PLEKHH2: variants seen among roughly 807,000 people sequenced by gnomAD.
The protein encoded by PLEKHH2 is pleckstrin homology domain-containing family H member 2.
A neutral mutation model predicts 187.9 loss-of-function variants in PLEKHH2; 129 were observed. That is an observed-to-expected ratio of 0.69 (90% CI 0.59 to 0.79). PLEKHH2 has a LOEUF of 0.79. Among genes scored for constraint, PLEKHH2 ranks in the 30% least tolerant of loss-of-function variants. The pLI is 0.00. For missense variants in PLEKHH2, 2,076 were observed against 1,751.2 expected, an observed-to-expected ratio of 1.19 and a Z score of -3.31; for synonymous variants, 686 against 605.6, an observed-to-expected ratio of 1.13 and a Z score of -1.95.
chr2:43,767,206 A>G lies in PLEKHH2; in HGVS notation c.*1608A>G, dbSNP rs1409478899. ...ATCACTTTGTCATTTTTTTTAACCA[A>G]TTTGAGAAATGTTAGCTGCTGAATT... On this transcript the variant is annotated 3_prime_UTR_variant, in exon 30 of 30. Coordinates refer to ENST00000282406, the MANE Select transcript of PLEKHH2 (RefSeq NM_172069.4). The G allele has an allele frequency of 1.3e-5, 2 of 152,192 alleles. No homozygotes were observed. The highest frequency in any genetic ancestry group is 2.9e-5 in the Non-Finnish European group (2 of 67,984). The allele number at this position is 152,192 out of a possible 1,614,324, so 9.4% of individuals were successfully genotyped here.
intron 16 of PLEKHH2, among the ~76,000 whole-genome samples, chr2:43,725,110 A>T (rs1255451339): frequency 6.6e-6 from 1 of 152,116 alleles, no homozygotes; most frequent in Non-Finnish European, 1.5e-5. Context: ...TAAGGAGGGG[A>T]TATCTTATCC....
At chr2:43,752,569 G>A (rs912752222) in intron 24 of PLEKHH2, among the ~76,000 whole-genome samples, 4 of 152,134 alleles carry the variant, frequency 2.6e-5, no homozygotes, top group Non-Finnish European at 5.9e-5. Context: ...AGAAAAGGCT[G>A]AAAATGCAAA....
chr2:43,660,032 C>G (rs530457015), intron 2 of PLEKHH2, among the ~76,000 whole-genome samples: 1 of 152,268 alleles, frequency 6.6e-6, no homozygotes, highest in East Asian at 1.9e-4. Context: ...CCTCCTGCGC[C>G]TTTATAGTCT....
chr2:43,658,393 T>A (rs1666896095), intron 2 of PLEKHH2, among the ~76,000 whole-genome samples: 1 of 152,266 alleles, frequency 6.6e-6, no homozygotes, highest in Non-Finnish European at 1.5e-5. Flanking sequence ...TATCTATTGC[T>A]GTATTAACAA....
In PLEKHH2 at chr2:43,762,386, C is replaced by G. The variant is rs76859622; in HGVS notation, c.4154C>G (p.Ser1385Cys). 0.027 allele frequency: 43,618 copies of G among 1,603,814 alleles called. 712 individuals are homozygous for G. The highest frequency in any genetic ancestry group is 0.059 in the Middle Eastern group (354 of 6,036). The change falls in exon 28 of 30, where the codon TCC becomes TGC. Residue 1385 changes from serine to cysteine, a missense_variant. Coordinates refer to ENST00000282406, the MANE Select transcript of PLEKHH2 (RefSeq NM_172069.4). ...EDGLSLLEYNSMRLIVSYVYK... is the reference protein window; with the variant it reads ...EDGLSLLEYNCMRLIVSYVYK... Reference sequence around the variant, plus strand: ...GGTTTAAGCCTCTTAGAATACAACTCCATGGTAAGTTTAAACGCTCAAGTT... The same window carrying G: ...GGTTTAAGCCTCTTAGAATACAACTGCATGGTAAGTTTAAACGCTCAAGTT...
chr2:43,723,766 A>T (rs993345552), intron 16 of PLEKHH2, among the ~76,000 whole-genome samples: 1 of 152,172 alleles, frequency 6.6e-6, no homozygotes, highest in Non-Finnish European at 1.5e-5. Context: ...TTTTGCTCTG[A>T]GTGAGATGAC....
chr2:43,642,089 A>G (rs149665906), intron 1 of PLEKHH2, among the ~76,000 whole-genome samples: 89 of 152,318 alleles, frequency 5.8e-4, no homozygotes, highest in Non-Finnish European at 9.3e-4. Context: ...CACAATATTA[A>G]GTCTTCTAAT....
intron 27 of PLEKHH2, among the ~76,000 whole-genome samples, chr2:43,761,213 T>C (rs1266949372): frequency 1.3e-5 from 2 of 152,210 alleles, no homozygotes; most frequent in Non-Finnish European, 2.9e-5. Flanking sequence ...ATCTATAGTC[T>C]TGACATTGTT....
intron 3 of PLEKHH2, among the ~76,000 whole-genome samples, chr2:43,686,151 C>A (rs1009952271): frequency 6.8e-6 from 1 of 147,484 alleles, no homozygotes; most frequent in Non-Finnish European, 1.5e-5. Flanking sequence ...TTTTCTTCTT[C>A]CTTCTTCCTC....
chr2:43,736,713 A>T (rs1046118595), intron 19 of PLEKHH2, among the ~76,000 whole-genome samples: 1 of 152,168 alleles, frequency 6.6e-6, no homozygotes, highest in Non-Finnish European at 1.5e-5. Flanking sequence ...TGGTGCCTGT[A>T]ATCTCACTAC....
chr2:43,678,735 G>A, intron 2 of PLEKHH2, 128 bp from the exon 3 acceptor site: 1 of 630,670 alleles, frequency 1.6e-6, no homozygotes, highest in South Asian at 2.0e-5. Flanking sequence ...GGTAGAGGTG[G>A]AAGTGGAGGT....
chr2:43,760,489 A>C (rs1357012849), intron 27 of PLEKHH2, among the ~76,000 whole-genome samples: 1 of 151,302 alleles, frequency 6.6e-6, no homozygotes, highest in East Asian at 1.9e-4. Context: ...CAGCCTTCCA[A>C]GTAGCTGGGA....
chr2:43,678,855 C>G lies in PLEKHH2; in HGVS notation c.124-8C>G, dbSNP rs369343462. On this transcript the variant is annotated splice_region_variant and splice_polypyrimidine_tract_variant and intron_variant, in intron 2 of 29. Coordinates refer to ENST00000282406, the MANE Select transcript of PLEKHH2 (RefSeq NM_172069.4). ...ATTTTTGTATTTATATTTTCCCTCA[C>G]TCTACAGATGCAACAGCTTGAGAGA... is the stretch of plus-strand genomic sequence containing the variant. 1 of 1,587,940 alleles carries G rather than the reference C, an allele frequency of 6.3e-7. No individual in the cohort carries two copies. Among genetic ancestry groups the G allele is most frequent in the Non-Finnish European group, 8.6e-7 (1 of 1,163,048 alleles).
intron 8 of PLEKHH2, among the ~76,000 whole-genome samples, chr2:43,702,527 C>CTTTTTTTTTTTTTTTTTTTTTTTTTTTTT (rs1167078689): frequency 5.2e-5 from 3 of 57,418 alleles, no homozygotes; most frequent in East Asian, 3.2e-4. Context: ...CATTCTACTA[C>CTTTTTTTTTTTTTTTTTTTTTTTTTTTTT]TTTTTTTTTT....
rs1308304012 is a variant in PLEKHH2 at position 43,644,600 on chromosome 2, A to C, written c.-3-71A>C. 4 of 1,220,638 alleles carry C rather than the reference A, an allele frequency of 3.3e-6. No homozygotes were observed. In the African/African-American group the frequency reaches 4.6e-5, roughly 14 times the overall value. The allele number at this position is 1,220,638 out of a possible 1,614,324, so 75.6% of individuals were successfully genotyped here. ...TTGGGTAATTTAACAAATTATCCTG[A>C]ATATTAATTGTGTTGTAGCATTTGA... is the stretch of plus-strand genomic sequence containing the variant. On this transcript the variant is annotated intron_variant, in intron 1 of 29. Transcript: ENST00000282406.
chr2:43,741,318 A>G (rs1671550620), intron 21 of PLEKHH2: 2 of 229,008 alleles, frequency 8.7e-6, no homozygotes, highest in South Asian at 2.2e-4. Context: ...TGAATGACTT[A>G]GCATTAGTGG....
At chr2:43,646,067 A>T (rs546796889) in intron 2 of PLEKHH2, among the ~76,000 whole-genome samples, 1 of 152,298 alleles carries the variant, frequency 6.6e-6, no homozygotes, top group East Asian at 1.9e-4. Context: ...TAGGTAGAAG[A>T]CTAAAGTTAT....
chr2:43,712,474 A>G (rs1670015800), intron 15 of PLEKHH2, 91 bp downstream of exon 15: 2 of 1,378,212 alleles, frequency 1.5e-6, no homozygotes, highest in African/African-American at 1.5e-5. Context: ...ATATACATAT[A>G]TTGAATATTG....
At chr2:43,764,934 T>C (rs1051689460) in intron 29 of PLEKHH2, among the ~76,000 whole-genome samples, 1 of 152,272 alleles carries the variant, frequency 6.6e-6, no homozygotes, top group African/African-American at 2.4e-5. Flanking sequence ...CTTAATGTTA[T>C]CAGATAAAAG....
Sources: allele counts gnomAD v4.1 joint callset (sites outside exome capture counted in the v4.1 genomes callset), GRCh38; gene constraint gnomAD v4.1.1; transcripts MANE v1.5; gene names NCBI Gene and HGNC (gene_info 2026-07-23, HGNC 2026-07-21).